The following NOS1AP variants were observed in gnomAD, a reference collection of about 807,000 sequenced individuals.
NOS1AP encodes the protein carboxyl-terminal PDZ ligand of neuronal nitric oxide synthase protein.
In NOS1AP, 21 loss-of-function variants were observed where a neutral mutation model predicts 56.2. The observed-to-expected ratio is 0.37, with a 90% confidence interval of 0.26 to 0.54. The LOEUF is 0.54. Ranked by LOEUF, NOS1AP falls within the 20% of genes least tolerant of loss-of-function variation. NOS1AP has a pLI of 0.84. For synonymous variants in NOS1AP, 270 were observed against 274.6 expected, an observed-to-expected ratio of 0.98 and a Z score of 0.17; for missense variants, 522 against 657.8, an observed-to-expected ratio of 0.79 and a Z score of 2.26.
chr1:162,206,906 A>G (rs927643641), intron 2 of NOS1AP, among the ~76,000 whole-genome samples: 3 of 152,244 alleles, frequency 2.0e-5, no homozygotes, highest in African/African-American at 7.2e-5. Flanking sequence ...AGGGCATCCT[A>G]TAAATGGTAA....
rs188958773 is a variant in NOS1AP at position 162,169,397 on chromosome 1, G to T, written c.177+14921G>T. On this transcript the variant is annotated intron_variant, in intron 2 of 9. Coordinates refer to ENST00000361897, the MANE Select transcript of NOS1AP (RefSeq NM_014697.3). ...ATTTAACAACTGCACCCTGCTGGGG[G>T]TGCTAATGAGGAGTCAGTAGCTGAA... Among the ~76,000 whole-genome samples the T allele has an allele frequency of 2.6e-3, 389 of 152,322 alleles. 4 individuals are homozygous for T. The highest frequency in any genetic ancestry group is 8.7e-3 in the African/African-American group (360 of 41,572).
chr1:162,343,559 T>C (rs559553438), intron 5 of NOS1AP, among the ~76,000 whole-genome samples: 1 of 152,374 alleles, frequency 6.6e-6, no homozygotes, highest in South Asian at 2.1e-4. Flanking sequence ...TATTGACTAC[T>C]TCTGTTACAC....
At chr1:162,118,426 G>A (rs536122214) in intron 1 of NOS1AP, among the ~76,000 whole-genome samples, 3 of 152,236 alleles carry the variant, frequency 2.0e-5, no homozygotes, top group African/African-American at 4.8e-5. Context: ...TGCTGCAAAC[G>A]ACATGATTTC....
At chr1:162,072,670 T>C (rs72713837) in intron 1 of NOS1AP, among the ~76,000 whole-genome samples, 1,694 of 152,310 alleles carry the variant, frequency 0.011, 22 homozygotes, top group Non-Finnish European at 0.017. Context: ...CCCAGATCTT[T>C]GTAATTGATG....
intron 1 of NOS1AP, among the ~76,000 whole-genome samples, chr1:162,098,511 T>C (rs10918672): frequency 0.97 from 146,169 of 150,826 alleles, 70,999 homozygotes; most frequent in East Asian, 1. Context: ...TTTTTTTCTC[T>C]AACTTTTATT....
intron 2 of NOS1AP, among the ~76,000 whole-genome samples, chr1:162,212,784 T>C (rs1039531908): frequency 2.0e-5 from 3 of 147,168 alleles, no homozygotes; most frequent in African/African-American, 7.6e-5. Flanking sequence ...CCTCTCCTTC[T>C]TCCTGCTGGG....
chr1:162,240,828 A>G (rs1340450028), intron 2 of NOS1AP, among the ~76,000 whole-genome samples: 3 of 152,204 alleles, frequency 2.0e-5, no homozygotes, highest in African/African-American at 7.2e-5. Context: ...ACCTGGAGCA[A>G]TTATGGCCCT....
At chr1:162,190,411 C>T (rs1651585441) in intron 2 of NOS1AP, among the ~76,000 whole-genome samples, 1 of 151,980 alleles carries the variant, frequency 6.6e-6, no homozygotes, top group South Asian at 2.1e-4. Flanking sequence ...TACATGTGCA[C>T]AATGTGCAGG....
chr1:162,152,513 A>T (rs1021308659), intron 1 of NOS1AP, among the ~76,000 whole-genome samples: 1 of 152,202 alleles, frequency 6.6e-6, no homozygotes, highest in South Asian at 2.1e-4. Context: ...GACAGACTGT[A>T]CCGCCTCAGC....
At chr1:162,289,557 C>A (rs1455333859) in intron 3 of NOS1AP, among the ~76,000 whole-genome samples, 1 of 144,436 alleles carries the variant, frequency 6.9e-6, no homozygotes, top group Non-Finnish European at 1.5e-5. Flanking sequence ...TCACTGCAAG[C>A]TCCGCCTCCC....
At chr1:162,114,851 T>G (rs1358338280) in intron 1 of NOS1AP, among the ~76,000 whole-genome samples, 1 of 152,218 alleles carries the variant, frequency 6.6e-6, no homozygotes, top group African/African-American at 2.4e-5. Flanking sequence ...TCCCCGTGAC[T>G]AAATCGGAAG....
At chr1:162,159,811 G>A (rs1650125592) in intron 2 of NOS1AP, among the ~76,000 whole-genome samples, 1 of 152,196 alleles carries the variant, frequency 6.6e-6, no homozygotes, top group East Asian at 1.9e-4. Flanking sequence ...TTCTGGGGAA[G>A]GAAGACAGCT....
chr1:162,120,459 A>T (rs1648165854), intron 1 of NOS1AP, among the ~76,000 whole-genome samples: 1 of 152,246 alleles, frequency 6.6e-6, no homozygotes, highest in Admixed American at 6.5e-5. Context: ...CACTCTGCTG[A>T]TAAAGACATG....
At chr1:162,112,615 C>T (rs1647752976) in intron 1 of NOS1AP, among the ~76,000 whole-genome samples, 1 of 152,242 alleles carries the variant, frequency 6.6e-6, no homozygotes, top group South Asian at 2.1e-4. Flanking sequence ...TCTGACTTCT[C>T]AGAGCTTGCA....
intron 1 of NOS1AP, among the ~76,000 whole-genome samples, chr1:162,122,264 A>G (rs1648270765): frequency 6.6e-6 from 1 of 152,206 alleles, no homozygotes; most frequent in Admixed American, 6.5e-5. Flanking sequence ...AAAAAACCCC[A>G]GTGCCAAAAA....
intron 4 of NOS1AP, among the ~76,000 whole-genome samples, chr1:162,306,365 A>G (rs1428909485): frequency 7.2e-5 from 11 of 152,150 alleles, no homozygotes. Context: ...AAAAGTGAGG[A>G]CAGACTTAAG....
At chr1:162,344,053 C>G in intron 6 of NOS1AP, 77 bp downstream of exon 6, 1 of 1,510,734 alleles carries the variant, frequency 6.6e-7, no homozygotes, top group Non-Finnish European at 9.2e-7. Context: ...CTGCCCTGAC[C>G]CCCAGGCTGT....
chr1:162,206,863 G>A (rs1043964054), intron 2 of NOS1AP, among the ~76,000 whole-genome samples: 7 of 152,156 alleles, frequency 4.6e-5, no homozygotes, highest in East Asian at 1.9e-4. Flanking sequence ...TTCTCAAAAC[G>A]TGGTTGCTTG....
intron 2 of NOS1AP, among the ~76,000 whole-genome samples, chr1:162,214,872 C>T (rs1652507225): frequency 6.6e-6 from 1 of 152,000 alleles, no homozygotes; most frequent in South Asian, 2.1e-4. Flanking sequence ...CTCTTTTTTG[C>T]CTCTAATAGT....
Sources: gnomAD v4.1 joint callset for allele counts (sites outside exome capture counted in the v4.1 genomes callset) on GRCh38, gnomAD v4.1.1 for gene constraint, MANE v1.5 for transcripts, NCBI Gene and HGNC (gene_info 2026-07-23, HGNC 2026-07-21) for gene names.